Variants in ADGRV1 observed in about 807,000 individuals in gnomAD.
ADGRV1 encodes the protein G-protein coupled receptor 98.
A neutral mutation model predicts 596.2 loss-of-function variants in ADGRV1; 359 were observed. The observed-to-expected ratio is 0.60, with a 90% CI of 0.55 to 0.66. The LOEUF is 0.66. Among genes scored for constraint, ADGRV1 ranks in the 30% least tolerant of loss-of-function variants. ADGRV1 has a pLI of 0.00. For synonymous variants in ADGRV1, 2,681 were observed against 2,679.2 expected (o/e 1.00, Z -0.02); for missense variants, 7,274 against 7,575.6 (o/e 0.96, Z 1.48).
chr5:90,644,767 T>C lies in ADGRV1; in HGVS notation c.2796T>C (p.Val932=). The change falls in exon 15 of 90, where the codon GTT becomes GTC. Residue 932 remains valine, a synonymous_variant. Coordinates refer to ENST00000405460, the MANE Select transcript of ADGRV1 (RefSeq NM_032119.4). ...GTGATGTTAGTGTATCATGGGTGGT[T>C]AGTCCAGACTTTACACAAGATGTAT... ...NFGDVSVSWV[V]SPDFTQDVFP... is the part of the protein sequence containing the mutation. The C allele has an allele frequency of 1.2e-6, 2 of 1,611,774 alleles. No homozygotes were observed. The highest frequency in any genetic ancestry group is 2.2e-5 in the South Asian group (2 of 90,116).
intron 86 of ADGRV1, among the ~76,000 whole-genome samples, chr5:91,077,944 A>C (rs2126479023): frequency 6.6e-6 from 1 of 152,266 alleles, no homozygotes; most frequent in East Asian, 1.9e-4. Context: ...GGAGAGGAAA[A>C]TTCATTTCAA....
chr5:90,792,951 G>A (rs1760244101), intron 70 of ADGRV1: 1 of 152,174 alleles, frequency 6.6e-6, no homozygotes, highest in African/African-American at 2.4e-5. Context: ...TTGGAATGTG[G>A]GGGAGACTGG....
At position 90,783,948 on chromosome 5, in the gene ADGRV1, G is replaced by C. The variant is rs576466976; in HGVS notation, c.13544G>C (p.Gly4515Ala). ...ATAGCTAAGAGTGACTCTCCCTTTG[G>C]AGTTATAAGGTTTCTCAATCAAAGC... ...IIIAKSDSPFGVIRFLNQSKI... is the reference protein window; with the variant it reads ...IIIAKSDSPFAVIRFLNQSKI... The change falls in exon 67 of 90, where the codon GGA becomes GCA. Residue 4515 changes from glycine (G) to alanine (A), a missense_variant. Transcript: ENST00000405460. 1 of 1,612,234 alleles carries C rather than the reference G, an allele frequency of 6.2e-7. No homozygotes were observed. Among genetic ancestry groups the C allele is most frequent in the East Asian group, 2.2e-5 (1 of 44,812 alleles).
chr5:90,913,199 A>T (rs1329561918), intron 83 of ADGRV1, among the ~76,000 whole-genome samples: 1 of 152,188 alleles, frequency 6.6e-6, no homozygotes, highest in African/African-American at 2.4e-5. Context: ...ATTAGATATT[A>T]CTGAGGGCAG....
In ADGRV1 at chr5:90,608,791, A is replaced by G. The variant is rs546556476; in HGVS notation, c.23-6044A>G. ...AAGGATTCAAAGAGATTCCAGGATG[A>G]TAGAAACAAGGATCCCAGGATGACT... is the stretch of plus-strand genomic sequence containing the variant. On this transcript the variant is annotated intron_variant, in intron 1 of 89. Coordinates refer to ENST00000405460, the MANE Select transcript of ADGRV1 (RefSeq NM_032119.4). 2.0e-5 allele frequency among the ~76,000 whole-genome samples: 3 copies of G among 152,210 alleles called. No individual in the cohort carries two copies. The East Asian group carries it at 5.8e-4, about 29-fold the overall frequency.
At chr5:91,026,174 C>T (rs947777350) in intron 85 of ADGRV1, among the ~76,000 whole-genome samples, 2 of 152,062 alleles carry the variant, frequency 1.3e-5, no homozygotes, top group African/African-American at 4.8e-5. Flanking sequence ...AACCATTAGG[C>T]CATGGTTCTG....
intron 70 of ADGRV1, among the ~76,000 whole-genome samples, chr5:90,801,963 A>T (rs1481330867): frequency 6.6e-6 from 1 of 152,226 alleles, no homozygotes; most frequent in Non-Finnish European, 1.5e-5. Flanking sequence ...AGTACACTGA[A>T]ATTATTCATT....
chr5:91,075,722 A>C (rs781301538), intron 86 of ADGRV1, among the ~76,000 whole-genome samples: 1 of 151,962 alleles, frequency 6.6e-6, no homozygotes, highest in Non-Finnish European at 1.5e-5. Context: ...TCTCCATTTC[A>C]TTATCTCAGA....
intron 86 of ADGRV1, chr5:91,091,688 G>A (rs1790394989): frequency 6.6e-6 from 1 of 152,172 alleles, no homozygotes; most frequent in Admixed American, 6.6e-5. Flanking sequence ...CTGAGAGGCA[G>A]AGGTGAATGG....
rs181545743 is a variant in ADGRV1, at chr5:91,118,431, G to C, written c.18432+16091G>C. ...AAATACCATAACCACTGCAATTATTGAATTCTGGCCTTTTGCATTCTATCT... is the reference window on the plus strand; with the variant it reads ...AAATACCATAACCACTGCAATTATTCAATTCTGGCCTTTTGCATTCTATCT... On this transcript the variant is annotated intron_variant, in intron 87 of 89. Coordinates refer to ENST00000405460, the MANE Select transcript of ADGRV1 (RefSeq NM_032119.4). Among the ~76,000 whole-genome samples, 3 of 151,736 alleles carry C rather than the reference G, an allele frequency of 2.0e-5. No homozygotes were observed. The East Asian group carries it at 5.8e-4, about 29-fold the overall frequency.
chr5:90,894,849 G>A (rs1328159788), intron 83 of ADGRV1, among the ~76,000 whole-genome samples: 1 of 152,120 alleles, frequency 6.6e-6, no homozygotes, highest in Non-Finnish European at 1.5e-5. Flanking sequence ...CCTAAGTCTG[G>A]TCCTTAAGTC....
At chr5:90,839,297 G>A (rs1024894629) in intron 77 of ADGRV1, among the ~76,000 whole-genome samples, 8 of 152,064 alleles carry the variant, frequency 5.3e-5, no homozygotes, top group East Asian at 1.9e-4. Context: ...TCACTGCAAC[G>A]TCTGCCTCCC....
intron 85 of ADGRV1, among the ~76,000 whole-genome samples, chr5:90,999,559 C>T (rs936848326): frequency 1.3e-5 from 2 of 151,974 alleles, no homozygotes; most frequent in South Asian, 4.2e-4. Context: ...TGTAAAATTG[C>T]GGGTGGCAGA....
intron 2 of ADGRV1, chr5:90,617,242 C>G (rs1436338055): frequency 6.6e-6 from 1 of 151,866 alleles, no homozygotes; most frequent in Admixed American, 6.6e-5. Context: ...CTATATAATT[C>G]TTTTTCTATG....
At chr5:90,598,525 GT>G (rs2152017765) in intron 1 of ADGRV1, among the ~76,000 whole-genome samples, 1 of 152,352 alleles carries the variant, frequency 6.6e-6, no homozygotes, top group African/African-American at 2.4e-5. Flanking sequence ...CGTGCCAGGA[GT>G]TGGGGCTAGC....
intron 85 of ADGRV1, among the ~76,000 whole-genome samples, chr5:91,044,565 A>C (rs1277118534): frequency 1.3e-4 from 20 of 152,182 alleles, no homozygotes; most frequent in Non-Finnish European, 1.5e-5. Context: ...ACCACAGGGT[A>C]AAATAGCCAA....
At position 90,647,545 on chromosome 5, in the gene ADGRV1, G is replaced by A; in HGVS notation, c.3070G>A (p.Val1024Ile). 1 of 1,613,862 alleles carries A rather than the reference G, an allele frequency of 6.2e-7. No individual in the cohort carries two copies. The highest frequency in any genetic ancestry group is 8.5e-7 in the Non-Finnish European group (1 of 1,179,780). ...VQEGETANFT[V>I]LRNGSVDVTC... The stretch of plus-strand genomic sequence containing the variant: ...GGAAGGTGAGACTGCCAACTTTACA[G>A]TTCTCAGAAATGGATCTGTTGATGT... Residue 1024 changes from valine (V) to isoleucine (I), a missense_variant, in exon 17 of 90, where the codon GTT (valine) becomes ATT (isoleucine). Transcript: ENST00000405460.
chr5:91,119,602 T>A (rs1793136010), intron 87 of ADGRV1, among the ~76,000 whole-genome samples: 1 of 152,234 alleles, frequency 6.6e-6, no homozygotes, highest in Non-Finnish European at 1.5e-5. Context: ...TCTCCATAGT[T>A]GCAGGTAGAA....
At chr5:90,596,537 C>A (rs1760641548) in intron 1 of ADGRV1, among the ~76,000 whole-genome samples, 1 of 152,150 alleles carries the variant, frequency 6.6e-6, no homozygotes. Context: ...TCTGCAATCC[C>A]CGCACCTCGG....
Sources: gnomAD v4.1 joint callset for allele counts (sites outside exome capture counted in the v4.1 genomes callset) on GRCh38, gnomAD v4.1.1 for gene constraint, MANE v1.5 for transcripts, NCBI Gene and HGNC (gene_info 2026-07-23, HGNC 2026-07-21) for gene names.